Variants in ATIC observed in about 807,000 individuals in gnomAD.
ATIC encodes bifunctional purine biosynthesis protein ATIC.
In ATIC, 64 loss-of-function variants were observed where a neutral mutation model predicts 72.5. The observed-to-expected ratio is 0.88, with a 90% CI of 0.72 to 1.09. The LOEUF (loss-of-function observed/expected upper bound fraction) is 1.09. ATIC is among the 50% of genes least tolerant of loss of function. The pLI is 0.00. For missense variants in ATIC, 787 were observed against 732.4 expected (o/e 1.07, Z -0.86); for synonymous variants, 281 against 267.1 (o/e 1.05, Z -0.51).
At chr2:215,366,732 T>C in the ATIC span, among the ~76,000 whole-genome samples, 1 of 152,232 alleles carries the variant, frequency 6.6e-6, no homozygotes, top group East Asian at 1.9e-4. Context: ...ACAAAGATTA[T>C]GTAAGTTGAG....
intron 9 of ATIC, 38 bp downstream of exon 9, chr2:215,333,495 A>C: frequency 6.5e-7 from 1 of 1,532,974 alleles, no homozygotes; most frequent in Non-Finnish European, 9.0e-7. Context: ...GGGGAGAAAG[A>C]AAAAGCAATA....
At chr2:215,361,610 A>G in the ATIC span, 19 of 1,611,252 alleles carry the variant, frequency 1.2e-5, no homozygotes, top group African/African-American at 2.7e-5. Flanking sequence ...GAAGCACTCA[A>G]TTGGGCAATT....
At chr2:215,365,235 G>A in the ATIC span, among the ~76,000 whole-genome samples, 7 of 152,168 alleles carry the variant, frequency 4.6e-5, no homozygotes, top group African/African-American at 1.7e-4. Context: ...TGAATCTACA[G>A]ACCAATAAAG....
intron 9 of ATIC, among the ~76,000 whole-genome samples, 169 bp from the exon 10 acceptor site, chr2:215,334,750 C>T (rs1323514932): frequency 1.3e-5 from 2 of 152,104 alleles, no homozygotes; most frequent in African/African-American, 4.8e-5. Flanking sequence ...TTAAAGAATA[C>T]TTTCTTACTG....
At position 215,312,551 on chromosome 2, in the gene ATIC, A is replaced by C; in HGVS notation, c.73A>C (p.Thr25Pro). Reference protein sequence around the residue: ...TGLVEFARNLTALGLNLVASG... With the variant: ...TGLVEFARNLPALGLNLVASG... Reference sequence around the variant, plus strand: ...CCTTGTGGAATTTGCAAGAAACCTGACCGCTCTTGGTTTGAATCTGGTCGC... The same window carrying C: ...CCTTGTGGAATTTGCAAGAAACCTGCCCGCTCTTGGTTTGAATCTGGTCGC... The change falls in exon 2 of 16, where the codon ACC becomes CCC. Residue 25 changes from threonine to proline, a missense_variant. Physicochemically the swap from Thr to Pro is conservative, Grantham distance 38. Transcript: ENST00000236959. The C allele has an allele frequency of 6.2e-7, 1 of 1,614,192 alleles. No homozygotes were observed. Among genetic ancestry groups the C allele is most frequent in the Non-Finnish European group, 8.5e-7 (1 of 1,180,018 alleles).
At chr2:215,332,621 A>G (rs1472828632) in intron 8 of ATIC, 114 bp downstream of exon 8, 5 of 1,351,824 alleles carry the variant, frequency 3.7e-6, no homozygotes, top group Non-Finnish European at 5.0e-6. Context: ...GAAATCTGAA[A>G]GTCATCTGTT....
At chr2:215,364,948 G>A in the ATIC span, 6,255 of 1,581,028 alleles carry the variant, frequency 4.0e-3, 17 homozygotes, top group Non-Finnish European at 4.9e-3. Context: ...GTTCTCCTAC[G>A]TGGTATGTCT....
At chr2:215,314,129 T>C (rs1229426694) in intron 2 of ATIC, among the ~76,000 whole-genome samples, 1 of 152,234 alleles carries the variant, frequency 6.6e-6, no homozygotes, top group Non-Finnish European at 1.5e-5. Context: ...TTTCTGTACC[T>C]ATACCCACTC....
the ATIC span, chr2:215,365,680 C>T: frequency 1.9e-6 from 3 of 1,597,566 alleles, no homozygotes; most frequent in African/African-American, 1.3e-5. Context: ...TATATTCTGA[C>T]TCACAAGACA....
the ATIC span, among the ~76,000 whole-genome samples, chr2:215,366,826 TAAACGTA>T: frequency 1.8e-4 from 27 of 152,188 alleles, no homozygotes; most frequent in Non-Finnish European, 3.4e-4. Context: ...CATACAAACT[TAAACGTA>T]GTTCGATTTC....
the ATIC span, chr2:215,368,141 G>T: frequency 9.2e-7 from 1 of 1,085,770 alleles, no homozygotes; most frequent in Non-Finnish European, 1.4e-6. Context: ...AGAATTCCAG[G>T]AGGATTAAGA....
chr2:215,349,851 C>T, downstream of ATIC: 1 of 959,594 alleles, frequency 1.0e-6, no homozygotes. Flanking sequence ...ATGAGGAATT[C>T]CAGAGCACCC....
intron 6 of ATIC, among the ~76,000 whole-genome samples, chr2:215,326,614 A>G (rs2052829610): frequency 6.6e-6 from 1 of 151,998 alleles, no homozygotes; most frequent in Admixed American, 6.6e-5. Flanking sequence ...TGTCTCAAAA[A>G]AAAAAAAAAA....
At chr2:215,346,674 G>A (rs749267552) in intron 13 of ATIC, 85 bp from the exon 14 acceptor site, 26 of 1,452,930 alleles carry the variant, frequency 1.8e-5, no homozygotes, top group Non-Finnish European at 2.4e-5. Context: ...CTAATAAATA[G>A]GTTTTGGAGA....
rs2052821367 is a variant in ATIC, at chr2:215,326,088, T to C, written c.481T>C (p.Ser161Pro). ...YVVVSTEMQS[S>P]ESKDTSLETR... is the part of the protein sequence containing the mutation. ...GGTGGTGTCCACGGAGATGCAGAGCTCCGAGAGTAAGGACACCTCCTTGGA... is the reference window on the plus strand; with the variant it reads ...GGTGGTGTCCACGGAGATGCAGAGCCCCGAGAGTAAGGACACCTCCTTGGA... The change falls in exon 6 of 16, where the codon TCC (serine) becomes CCC (proline). Residue 161 changes from serine (S) to proline (P), a missense_variant. Ser to Pro is a moderately conservative substitution (Grantham distance 74). Transcript: ENST00000236959. The C allele has an allele frequency of 6.2e-7, 1 of 1,613,976 alleles. No individual in the cohort carries two copies. Among genetic ancestry groups the C allele is most frequent in the Non-Finnish European group, 8.5e-7 (1 of 1,180,004 alleles).
intron 7 of ATIC, among the ~76,000 whole-genome samples, chr2:215,327,634 G>A (rs1297405893): frequency 6.6e-6 from 1 of 152,162 alleles, no homozygotes; most frequent in Non-Finnish European, 1.5e-5. Flanking sequence ...AGTAGGGGCA[G>A]GGACAGAGGT....
At position 215,339,138 on chromosome 2, in the gene ATIC, G is replaced by A. The variant is rs189690797; in HGVS notation, c.1227+231G>A. Reference sequence around the variant, plus strand: ...ACACTAGAGATAAGTAGCTTTAATTGTGTATAAATGGGATCATGTCTTCCA... The same window carrying A: ...ACACTAGAGATAAGTAGCTTTAATTATGTATAAATGGGATCATGTCTTCCA... On this transcript the variant is annotated intron_variant, in intron 12 of 15. Coordinates refer to ENST00000236959, the MANE Select transcript of ATIC (RefSeq NM_004044.7). Among the ~76,000 whole-genome samples, 234 of 145,352 alleles carry A rather than the reference G, an allele frequency of 1.6e-3. 2 individuals carry two copies. The highest frequency in any genetic ancestry group is 5.6e-3 in the African/African-American group (223 of 40,100).
chr2:215,361,694 C>T, the ATIC span: 33 of 1,260,218 alleles, frequency 2.6e-5, no homozygotes, highest in Middle Eastern at 3.7e-4. Flanking sequence ...AAAAAAAATG[C>T]GGGGAGGTGG....
chr2:215,325,373 A>G, intron 5 of ATIC, 44 bp downstream of exon 5: 1 of 1,442,526 alleles, frequency 6.9e-7, no homozygotes, highest in East Asian at 2.3e-5. Context: ...GGAGAGGATT[A>G]TTTAAATTTT....
Sources: gnomAD v4.1 joint callset for allele counts (sites outside exome capture counted in the v4.1 genomes callset) on GRCh38, gnomAD v4.1.1 for gene constraint, MANE v1.5 for transcripts, NCBI Gene and HGNC (gene_info 2026-07-23, HGNC 2026-07-21) for gene names.